MFNG: variants seen among roughly 807,000 people sequenced by gnomAD.
MFNG encodes MFNG O-fucosylpeptide 3-beta-N-acetylglucosaminyltransferase, also known as beta-1,3-N-acetylglucosaminyltransferase manic fringe.
MFNG carries 24 observed loss-of-function variants against 34.2 expected under a neutral mutation model. The ratio of observed to expected loss-of-function variants is 0.70; its 90% CI spans 0.51 to 0.99. The LOEUF is 0.99. Among genes scored for constraint, MFNG ranks in the 50% least tolerant of loss-of-function variants. The pLI is 0.00. For missense variants in MFNG, 383 were observed against 424.0 expected, an observed-to-expected ratio of 0.90 and a Z score of 0.85; for synonymous variants, 158 against 179.2, an observed-to-expected ratio of 0.88 and a Z score of 0.94.
chr22:37,485,890 C>T lies in MFNG; in HGVS notation c.255+33G>A. ...TCTGAGAACCCCTTAGGCCAGGGGCCACCCCCAGGGCCCAATGTCACCCAC... is the reference window on the plus strand; with the variant it reads ...TCTGAGAACCCCTTAGGCCAGGGGCTACCCCCAGGGCCCAATGTCACCCAC... On this transcript the variant is annotated intron_variant, in intron 1 of 7. Coordinates refer to ENST00000356998, the MANE Select transcript of MFNG (RefSeq NM_002405.4). The surrounding 1 kb of genome is among the most constrained non-coding windows in gnomAD (Gnocchi z 5.3). The T allele has an allele frequency of 1.3e-6, 2 of 1,593,232 alleles. No individual in the cohort carries two copies. The highest frequency in any genetic ancestry group is 1.7e-6 in the Non-Finnish European group (2 of 1,167,062).
chr22:37,471,796 A>C (rs1921815711), intron 7 of MFNG, among the ~76,000 whole-genome samples: 1 of 133,060 alleles, frequency 7.5e-6, no homozygotes, highest in Non-Finnish European at 1.5e-5. Context: ...GCACCACTGC[A>C]CTCCAGCCTG....
rs966655193 is a variant in MFNG, at chr22:37,483,622, A to G, written c.255+2301T>C. 1.3e-5 allele frequency among the ~76,000 whole-genome samples: 2 copies of G among 151,868 alleles called. No individual in the cohort carries two copies. The highest frequency in any genetic ancestry group is 2.9e-5 in the Non-Finnish European group (2 of 67,964). On this transcript the variant is annotated intron_variant, in intron 1 of 7. Coordinates refer to ENST00000356998, the MANE Select transcript of MFNG (RefSeq NM_002405.4). This position sits in a 1 kb window ranked among gnomAD's most constrained non-coding sequence, Gnocchi z 4.5. The stretch of plus-strand genomic sequence containing the variant: ...ATGGCAAAACCCCATCTCTACTAAA[A>G]ATAGAAAAATTAGCCGGGCGTGGTG...
rs774468727 is a variant in MFNG, at chr22:37,479,518, A to G, written c.408-20T>C. 5 of 1,608,232 alleles carry G rather than the reference A, an allele frequency of 3.1e-6. No individual in the cohort carries two copies. Among genetic ancestry groups the G allele is most frequent in the Non-Finnish European group, 4.2e-6 (5 of 1,177,572 alleles). On this transcript the variant is annotated intron_variant, in intron 3 of 7. Coordinates refer to ENST00000356998, the MANE Select transcript of MFNG (RefSeq NM_002405.4). ...AACCACCTGTAGGGATGAAACGGGG[A>G]CAGTGAACTTGTTGGGGGGGTTCCA... is the stretch of plus-strand genomic sequence containing the variant.
chr22:37,471,896 A>G (rs577535504), intron 7 of MFNG, among the ~76,000 whole-genome samples: 2 of 150,318 alleles, frequency 1.3e-5, no homozygotes, highest in Admixed American at 1.3e-4. Context: ...AGGAAGCTGC[A>G]TATCACAGGC....
rs1019522684 is a variant in MFNG, at chr22:37,482,341, T to G, written c.256-1572A>C. 1.3e-5 allele frequency among the ~76,000 whole-genome samples: 2 copies of G among 152,174 alleles called. No individual in the cohort carries two copies. Among genetic ancestry groups the G allele is most frequent in the Non-Finnish European group, 2.9e-5 (2 of 68,018 alleles). ...GGCCAGCCTCCCTAAGTGTGGCCAG[T>G]GAGGGGCCACCTGGCCACCCTGCCT... On this transcript the variant is annotated intron_variant, in intron 1 of 7. Coordinates refer to ENST00000356998, the MANE Select transcript of MFNG (RefSeq NM_002405.4). This position sits in a 1 kb window ranked among gnomAD's most constrained non-coding sequence, Gnocchi z 4.1.
Position 37,474,634 on chromosome 22 carries a change from C to T in MFNG, c.691G>A (p.Asp231Asn). 1.2e-6 allele frequency: 2 copies of T among 1,613,550 alleles called. No homozygotes were observed. The highest frequency in any genetic ancestry group is 1.7e-6 in the Non-Finnish European group (2 of 1,179,728). Residue 231 changes from aspartate to asparagine, a missense_variant, in exon 6 of 8, where the codon GAT becomes AAT. Coordinates refer to ENST00000356998, the MANE Select transcript of MFNG (RefSeq NM_002405.4). ...ATGATATAGCCCATGGTGCAGTCAT[C>T]AGGCAGCCGGATGAGAGCAGATGTG... is the stretch of plus-strand genomic sequence containing the variant. ...MDTSALIRLP[D>N]DCTMGYIIEC...
rs56232811 is a variant in MFNG at position 37,479,264 on chromosome 22, C to T, written c.561+81G>A. 7.5e-3 allele frequency: 10,813 copies of T among 1,444,790 alleles called. 56 individuals carry two copies. Among genetic ancestry groups the T allele is most frequent in the Non-Finnish European group, 9.0e-3 (9,915 of 1,099,678 alleles). The allele number at this position is 1,444,790 out of a possible 1,614,324, so 89.5% of individuals were successfully genotyped here. On this transcript the variant is annotated intron_variant, in intron 4 of 7. Coordinates refer to ENST00000356998, the MANE Select transcript of MFNG (RefSeq NM_002405.4). ...GAAACCCAGAACCCCTCTCACCTCT[C>T]TAGCACACCCCCACCCCCAGGACCG...
intron 4 of MFNG, among the ~76,000 whole-genome samples, chr22:37,478,476 A>C (rs917868822): frequency 6.6e-6 from 1 of 152,234 alleles, no homozygotes; most frequent in East Asian, 1.9e-4. Flanking sequence ...TTGTTTAATG[A>C]ATCTGGCAAC....
In MFNG at chr22:37,483,283, T is replaced by C. The variant is rs1461640953; in HGVS notation, c.256-2514A>G. On this transcript the variant is annotated intron_variant, in intron 1 of 7. Transcript: ENST00000356998. This position sits in a 1 kb window ranked among gnomAD's most constrained non-coding sequence, Gnocchi z 4.5. ...AGTCCCCGCCACTGTCGTCACCTGC[T>C]GCCTGCTTTGCTGCAGGCCCTCCTC... Among the ~76,000 whole-genome samples, 2 of 152,168 alleles carry C rather than the reference T, an allele frequency of 1.3e-5. No individual in the cohort carries two copies. Among genetic ancestry groups the C allele is most frequent in the Non-Finnish European group, 2.9e-5 (2 of 68,038 alleles).
intron 6 of MFNG, among the ~76,000 whole-genome samples, chr22:37,473,647 C>T (rs773936864): frequency 4.6e-5 from 7 of 152,188 alleles, no homozygotes; most frequent in Non-Finnish European, 8.8e-5. Flanking sequence ...GGTCACCTGA[C>T]CCAAGCCCAG....
chr22:37,476,872 G>T, intron 5 of MFNG, 24 bp downstream of exon 5: 2 of 1,587,574 alleles, frequency 1.3e-6, no homozygotes, highest in Non-Finnish European at 1.7e-6. Flanking sequence ...CCGCCTTCCT[G>T]CCCACCCCTG....
Position 37,474,688 on chromosome 22 carries a change from G to A in MFNG, c.648-11C>T. 6.3e-7 allele frequency: 1 copy of A among 1,582,984 alleles called. No homozygotes were observed. ...ATGAAACGGGAGCCACTGAGGGACA[G>A]AGCCAGACTGCAGACGCTGGCCCAG... On this transcript the variant is annotated splice_polypyrimidine_tract_variant and intron_variant, in intron 5 of 7. Coordinates refer to ENST00000356998, the MANE Select transcript of MFNG (RefSeq NM_002405.4).
intron 4 of MFNG, among the ~76,000 whole-genome samples, chr22:37,478,204 T>C (rs1036093407): frequency 1.1e-4 from 16 of 152,120 alleles, no homozygotes; most frequent in South Asian, 2.1e-4. Flanking sequence ...ATGAAGCAGA[T>C]GGGGACCTGG....
chr22:37,479,573 G>T, intron 3 of MFNG, 75 bp from the exon 4 acceptor site: 2 of 1,570,572 alleles, frequency 1.3e-6, no homozygotes, highest in South Asian at 1.1e-5. Flanking sequence ...CCCCACAGTC[G>T]GTCAACAGTG....
Position 37,479,477 on chromosome 22 carries a change from ATCGTCCACAT to A in MFNG, c.419_428del (p.His140LeufsTer5). On this transcript the variant is annotated frameshift_variant, in exon 4 of 8. Transcript: ENST00000356998. LOFTEE classifies it high-confidence loss of function. ...GCGCCCTTGGGTTCACATAGTTGTC[ATCGTCCACAT>A]GGCAGAACCACCTGTAGGGATGAAA... The A allele has an allele frequency of 6.2e-7, 1 of 1,611,008 alleles. No homozygotes were observed. Among genetic ancestry groups the A allele is most frequent in the Non-Finnish European group, 8.5e-7 (1 of 1,178,684 alleles).
At position 37,476,995 on chromosome 22, in the gene MFNG, A is replaced by G. The variant is rs1569156986; in HGVS notation, c.562-14T>C. On this transcript the variant is annotated splice_polypyrimidine_tract_variant and intron_variant, in intron 4 of 7. Transcript: ENST00000356998. ...CTGTACCAGCCTCTGAGAGAGAGGA[A>G]GGCCAAGGGGCAGAGTGAGCCTGGT... is the stretch of plus-strand genomic sequence containing the variant. 1.2e-6 allele frequency: 2 copies of G among 1,612,858 alleles called. No individual in the cohort carries two copies. The highest frequency in any genetic ancestry group is 3.3e-5 in the Admixed American group (2 of 60,020).
At chr22:37,477,967 A>G (rs2145732342) in intron 4 of MFNG, among the ~76,000 whole-genome samples, 1 of 152,222 alleles carries the variant, frequency 6.6e-6, no homozygotes, top group South Asian at 2.1e-4. Flanking sequence ...TGCCGTGTAA[A>G]CCCAGGGAGT....
intron 6 of MFNG, 82 bp from the exon 7 acceptor site, chr22:37,472,610 G>T (rs540547135): frequency 1.5e-6 from 2 of 1,340,806 alleles, no homozygotes; most frequent in East Asian, 2.7e-5. Context: ...AGGTGGAGGA[G>T]GGGTTTTAAG....
intron 7 of MFNG, among the ~76,000 whole-genome samples, chr22:37,471,756 G>A (rs371987255): frequency 3.3e-5 from 5 of 151,378 alleles, no homozygotes; most frequent in African/African-American, 9.7e-5. Flanking sequence ...GTTTGAACCC[G>A]GGGGGCGGAG....
Sources: gnomAD v4.1 joint callset for allele counts (sites outside exome capture counted in the v4.1 genomes callset) on GRCh38, gnomAD v4.1.1 for gene constraint, Gnocchi (gnomAD v3.1) non-coding constraint, MANE v1.5 for transcripts, NCBI Gene and HGNC (gene_info 2026-07-23, HGNC 2026-07-21) for gene names.